Variants in CACNA1D observed in about 807,000 individuals in gnomAD.
CACNA1D encodes the protein calcium voltage-gated channel subunit alpha1 D.
CACNA1D carries 55 observed loss-of-function variants against 257.1 expected under a neutral mutation model. The observed-to-expected ratio is 0.21, with a 90% CI of 0.17 to 0.27. The LOEUF (loss-of-function observed/expected upper bound fraction) is 0.27. Ranked by LOEUF, CACNA1D falls within the 10% of genes least tolerant of loss-of-function variation. The probability of loss-of-function intolerance (pLI) is 1.00; values close to 1 mark genes in which losing one functional copy is unlikely to be tolerated. For synonymous variants in CACNA1D, 980 were observed against 1,014.9 expected, an observed-to-expected ratio of 0.97 and a Z score of 0.65; for missense variants, 1,876 against 2,784.0, an observed-to-expected ratio of 0.67 and a Z score of 7.34.
At chr3:53,711,958 G>A (rs73842094) in intron 9 of CACNA1D, among the ~76,000 whole-genome samples, 2,686 of 152,306 alleles carry the variant, frequency 0.018, 77 homozygotes, top group African/African-American at 0.06. Context: ...AGGAGGCTGG[G>A]CTTGATGCAG....
At chr3:53,720,283 TAAATATA>T (rs1389954671) in intron 11 of CACNA1D, among the ~76,000 whole-genome samples, 2 of 152,214 alleles carry the variant, frequency 1.3e-5, no homozygotes, top group African/African-American at 4.8e-5. Context: ...GGCAAAGACC[TAAATATA>T]AAATATAAAA....
chr3:53,506,594 A>G (rs749412037), intron 3 of CACNA1D, among the ~76,000 whole-genome samples: 1 of 152,242 alleles, frequency 6.6e-6, no homozygotes, highest in Non-Finnish European at 1.5e-5. Context: ...ATGAATGACC[A>G]TACAAGGACT....
At chr3:53,733,076 C>G in intron 19 of CACNA1D, 114 bp downstream of exon 19, 1 of 998,132 alleles carries the variant, frequency 1.0e-6, no homozygotes, top group South Asian at 1.4e-5. Flanking sequence ...CTTTCTGAAC[C>G]TGAGTGTCCC....
At chr3:53,608,854 CT>C (rs1490404068) in intron 3 of CACNA1D, among the ~76,000 whole-genome samples, 2 of 152,024 alleles carry the variant, frequency 1.3e-5, no homozygotes, top group African/African-American at 4.8e-5. Context: ...GTGCCTTATC[CT>C]TTTGATATAT....
At chr3:53,668,572 T>C (rs940247062) in intron 7 of CACNA1D, among the ~76,000 whole-genome samples, 1 of 152,188 alleles carries the variant, frequency 6.6e-6, no homozygotes. Flanking sequence ...TTATAGAAGG[T>C]CTGGGATCTT....
chr3:53,495,298 C>G lies in CACNA1D; in HGVS notation c.67+65C>G. 2 of 1,596,188 alleles carry G rather than the reference C, an allele frequency of 1.3e-6. No homozygotes were observed. The highest frequency in any genetic ancestry group is 3.3e-5 in the Admixed American group (2 of 59,982). On this transcript the variant is annotated intron_variant, in intron 1 of 47. Transcript: ENST00000350061. The surrounding 1 kb of genome is among the most constrained non-coding windows in gnomAD (Gnocchi z 5.1). ...TCCTGTCATGGTCCTCCAGCCCCCT[C>G]CCCCTTCCCCGCGGCGCTGGATGGG...
At chr3:53,655,845 C>T (rs2094142743) in intron 4 of CACNA1D, among the ~76,000 whole-genome samples, 1 of 152,140 alleles carries the variant, frequency 6.6e-6, no homozygotes, top group South Asian at 2.1e-4. Context: ...GTCATGAAAT[C>T]CTTGCTCATT....
Position 53,732,053 on chromosome 3 carries a change from A to G in CACNA1D, c.2444A>G (p.Lys815Arg). The change falls in exon 18 of 48, where the codon AAG (lysine) becomes AGG (arginine). Residue 815 changes from lysine (K) to arginine (R), a missense_variant. Physicochemically the swap from Lys to Arg is conservative, Grantham distance 26. This residue lies in a region of CACNA1D where 78 missense variants were observed against 69.2 expected (regional missense o/e 1.13). Transcript: ENST00000350061. Reference protein sequence around the residue: ...IDDYREEDEDKDPYPPCDVPV... With the variant: ...IDDYREEDEDRDPYPPCDVPV... ...GACTATAGAGAAGAGGATGAAGACA[A>G]GGACCCCTATCCGCCTTGCGATGTG... 2.5e-6 allele frequency: 4 copies of G among 1,613,066 alleles called. No homozygotes were observed. The highest frequency in any genetic ancestry group is 3.4e-6 in the Non-Finnish European group (4 of 1,178,962).
intron 29 of CACNA1D, among the ~76,000 whole-genome samples, chr3:53,761,507 G>T (rs1424239600): frequency 6.6e-6 from 1 of 152,228 alleles, no homozygotes; most frequent in Non-Finnish European, 1.5e-5. Context: ...TGTAATACAG[G>T]CTGGACTTGC....
Position 53,588,634 on chromosome 3 carries a change from A to T in CACNA1D, c.484-62145A>T, listed in dbSNP as rs541876473. On this transcript the variant is annotated intron_variant, in intron 3 of 47. Coordinates refer to ENST00000350061, the MANE Select transcript of CACNA1D (RefSeq NM_001128840.3). Reference sequence around the variant, plus strand: ...CAGCAGGCGACCCTTGTTTTCCCTGAGAGCAGCAAAGGCCCTGGTGAGGAT... The same window carrying T: ...CAGCAGGCGACCCTTGTTTTCCCTGTGAGCAGCAAAGGCCCTGGTGAGGAT... Among the ~76,000 whole-genome samples the T allele has an allele frequency of 2.0e-5, 3 of 152,310 alleles. No homozygotes were observed. In the East Asian group the frequency reaches 5.8e-4, roughly 29 times the overall value.
At chr3:53,772,962 A>T (rs2095374745) in intron 33 of CACNA1D, 64 bp downstream of exon 33, 2 of 1,308,732 alleles carry the variant, frequency 1.5e-6, no homozygotes, top group East Asian at 2.3e-5. Flanking sequence ...CTGTGGCAAG[A>T]TGTACCCTGA....
intron 8 of CACNA1D, among the ~76,000 whole-genome samples, chr3:53,694,152 G>A (rs2094553080): frequency 6.6e-6 from 1 of 152,204 alleles, no homozygotes; most frequent in Admixed American, 6.5e-5. Flanking sequence ...GGATGTCAGG[G>A]CCTGTAAATC....
At chr3:53,600,602 T>C (rs2093429102) in intron 3 of CACNA1D, among the ~76,000 whole-genome samples, 1 of 152,244 alleles carries the variant, frequency 6.6e-6, no homozygotes, top group Non-Finnish European at 1.5e-5. Context: ...ATTTCAACTA[T>C]TACTCAATAC....
At chr3:53,771,216 A>G (rs1045433504) in intron 32 of CACNA1D, among the ~76,000 whole-genome samples, 1 of 152,230 alleles carries the variant, frequency 6.6e-6, no homozygotes, top group Non-Finnish European at 1.5e-5. Context: ...TGTGGGAAAT[A>G]TAGATTCTTA....
chr3:53,756,900 CT>C (rs1161152582), intron 29 of CACNA1D, among the ~76,000 whole-genome samples: 10 of 152,210 alleles, frequency 6.6e-5, no homozygotes, highest in South Asian at 2.1e-4. Flanking sequence ...GGTTACTGGC[CT>C]TCTCCAGTGA....
chr3:53,719,842 C>T, intron 11 of CACNA1D, 61 bp downstream of exon 11: 1 of 1,438,800 alleles, frequency 7.0e-7, no homozygotes, highest in Non-Finnish European at 9.8e-7. Flanking sequence ...GTTCTCACTT[C>T]TGAATTTTAC....
intron 3 of CACNA1D, among the ~76,000 whole-genome samples, chr3:53,622,826 T>G (rs1312570791): frequency 6.6e-6 from 1 of 151,936 alleles, no homozygotes; most frequent in Non-Finnish European, 1.5e-5. Context: ...AATGGAATGC[T>G]ACTCAGCAAG....
chr3:53,580,342 TACTGCTCAGCC>T (rs1413437453), intron 3 of CACNA1D, among the ~76,000 whole-genome samples: 1 of 152,210 alleles, frequency 6.6e-6, no homozygotes, highest in Non-Finnish European at 1.5e-5. Context: ...TGACAGTGAG[TACTGCTCAGCC>T]AGTGCTCGCC....
chr3:53,673,599 C>T lies in CACNA1D; in HGVS notation c.1220+473C>T. 3.7e-6 allele frequency: 3 copies of T among 812,542 alleles called. 1 individual carries two copies. In the South Asian group the frequency reaches 4.1e-5, roughly 11 times the overall value. 50.3% of individuals were successfully genotyped at this position (812,542 alleles called of 1,614,324 possible). A position where few individuals can be genotyped will look rare whatever the true frequency, so the allele number is the denominator to read the frequency against. On this transcript the variant is annotated intron_variant, in intron 8 of 47. Transcript: ENST00000350061. The surrounding 1 kb of genome is among the most constrained non-coding windows in gnomAD (Gnocchi z 4.1). ...AAAAGGGAAGGACCTAGGCCCAGTC[C>T]CTGTCCTAGGAGCACTAACCTTCAG...
Sources: gnomAD v4.1 joint callset for allele counts (sites outside exome capture counted in the v4.1 genomes callset) on GRCh38, gnomAD v4.1.1 for gene constraint, gnomAD v4.1.1 regional missense constraint, Gnocchi (gnomAD v3.1) non-coding constraint, MANE v1.5 for transcripts, NCBI Gene and HGNC (gene_info 2026-07-23, HGNC 2026-07-21) for gene names.